Variants in TMEM278 observed in about 807,000 individuals in gnomAD.
The protein encoded by TMEM278 is transmembrane protein 278.
the TMEM278 span, chr1:1,426,074 A>C: frequency 7.6e-7 from 1 of 1,314,438 alleles, no homozygotes. Flanking sequence ...AGCCCTGGAG[A>C]GCACCACTCT....
the TMEM278 span, among the ~76,000 whole-genome samples, chr1:1,427,251 GCT>G: frequency 2.2e-5 from 2 of 91,390 alleles, no homozygotes; most frequent in Non-Finnish European, 4.5e-5. Context: ...GCTCCACCCT[GCT>G]CCCGCCCATC....
the TMEM278 span, among the ~76,000 whole-genome samples, chr1:1,428,424 C>T: frequency 6.6e-6 from 1 of 152,114 alleles, no homozygotes; most frequent in South Asian, 2.1e-4. Context: ...ATGCGCCAGC[C>T]TCGGTCGGCT....
chr1:1,429,299 G>A, the TMEM278 span, among the ~76,000 whole-genome samples: 2 of 151,228 alleles, frequency 1.3e-5, no homozygotes, highest in Non-Finnish European at 2.9e-5. Flanking sequence ...AGTGAGCTGA[G>A]AGGGTGCCAC....
At chr1:1,428,776 G>A in the TMEM278 span, among the ~76,000 whole-genome samples, 11 of 152,106 alleles carry the variant, frequency 7.2e-5, no homozygotes, top group African/African-American at 2.4e-4. Context: ...CGAGGAGGGC[G>A]GATCACCAGC....
chr1:1,427,975 A>AGGGGG, the TMEM278 span, among the ~76,000 whole-genome samples: 3 of 55,598 alleles, frequency 5.4e-5, no homozygotes, highest in Admixed American at 2.2e-4. Flanking sequence ...AGGGGAGGGG[A>AGGGGG]AGAGAGGGGA....
the TMEM278 span, among the ~76,000 whole-genome samples, chr1:1,427,105 C>A: frequency 2.7e-5 from 4 of 147,390 alleles, no homozygotes; most frequent in African/African-American, 5.1e-5. Flanking sequence ...CCTGCTCAGC[C>A]CGCCACGGCC....
At chr1:1,428,509 G>A in the TMEM278 span, among the ~76,000 whole-genome samples, 5 of 151,958 alleles carry the variant, frequency 3.3e-5, no homozygotes, top group East Asian at 7.7e-4. Context: ...TAGCTGTGCC[G>A]AGCTCACACC....
the TMEM278 span, chr1:1,427,918 C>A: frequency 6.0e-6 from 5 of 837,770 alleles, no homozygotes; most frequent in African/African-American, 2.0e-5. Context: ...TCCCGGCTTA[C>A]GACCCCGGCC....
the TMEM278 span, among the ~76,000 whole-genome samples, chr1:1,427,134 G>C: frequency 3.0e-5 from 3 of 98,756 alleles, no homozygotes; most frequent in African/African-American, 1.1e-4. Context: ...GCCCCGCCCC[G>C]CTCTTTCATC....
the TMEM278 span, among the ~76,000 whole-genome samples, chr1:1,428,234 C>T: frequency 1.3e-5 from 2 of 151,390 alleles, no homozygotes; most frequent in East Asian, 3.9e-4. Flanking sequence ...GCAGGCAGCC[C>T]TCAGAGGAGG....
the TMEM278 span, among the ~76,000 whole-genome samples, chr1:1,426,965 C>T: frequency 6.6e-6 from 1 of 151,700 alleles, no homozygotes; most frequent in Non-Finnish European, 1.5e-5. Flanking sequence ...TGCTGCGTCC[C>T]GGATCTCCTG....
chr1:1,428,975 G>C, the TMEM278 span, among the ~76,000 whole-genome samples: 2 of 149,586 alleles, frequency 1.3e-5, no homozygotes, highest in Non-Finnish European at 3.0e-5. Context: ...ACTCTAGCTT[G>C]GGCGAAAGAG....
chr1:1,428,432 GCT>G, the TMEM278 span, among the ~76,000 whole-genome samples: 1 of 152,092 alleles, frequency 6.6e-6, no homozygotes, highest in African/African-American at 2.4e-5. Context: ...GCCTCGGTCG[GCT>G]CTCTCCGGGA....
At chr1:1,426,039 G>C in the TMEM278 span, 36 of 1,268,328 alleles carry the variant, frequency 2.8e-5, no homozygotes, top group Middle Eastern at 2.9e-4. Context: ...TGCAACGTGG[G>C]GCGGGGTTAA....
the TMEM278 span, among the ~76,000 whole-genome samples, chr1:1,429,517 T>C: frequency 2.0e-5 from 3 of 152,336 alleles, no homozygotes; most frequent in African/African-American, 7.2e-5. Context: ...ATAATTCCAG[T>C]GTCCTAGTCT....
At chr1:1,427,995 AAGAGAGGGGAGGGGAGGGGG>A in the TMEM278 span, among the ~76,000 whole-genome samples, 1 of 20,278 alleles carries the variant, frequency 4.9e-5, no homozygotes. Flanking sequence ...AGGGGAGGGG[AAGAGAGGGGAGGGGAGGGGG>A]AGAGAGGGGA....
At chr1:1,429,600 GTTGT>G in the TMEM278 span, among the ~76,000 whole-genome samples, 9 of 152,248 alleles carry the variant, frequency 5.9e-5, no homozygotes, top group East Asian at 3.9e-4. Context: ...TGAACGTTTG[GTTGT>G]TTAATTGTCA....
the TMEM278 span, among the ~76,000 whole-genome samples, chr1:1,428,969 T>C: frequency 0.46 from 64,682 of 141,762 alleles, 19,489 homozygotes; most frequent in East Asian, 0.99. Context: ...CACTGCACTC[T>C]AGCTTGGGCG....
the TMEM278 span, chr1:1,427,911 CG>C: frequency 1.1e-6 from 1 of 938,356 alleles, no homozygotes; most frequent in Non-Finnish European, 1.4e-6. Flanking sequence ...GCAGCGCTCC[CG>C]GCTTACGACC....
Sources: allele counts gnomAD v4.1 joint callset (sites outside exome capture counted in the v4.1 genomes callset), GRCh38; gene constraint gnomAD v4.1.1; transcripts MANE v1.5; gene names NCBI Gene and HGNC (gene_info 2026-07-23, HGNC 2026-07-21).